YTHDF1: variants seen among roughly 807,000 people sequenced by gnomAD.
YTHDF1 encodes YTH domain-containing family protein 1.
Under a neutral mutation model 49.1 loss-of-function variants are expected in YTHDF1, and 16 were observed. The ratio of observed to expected loss-of-function variants is 0.33; its 90% CI spans 0.22 to 0.49. YTHDF1 has a LOEUF of 0.49. YTHDF1 is among the 20% of genes least tolerant of loss of function. The pLI, the probability that YTHDF1 is intolerant of heterozygous loss-of-function variation, is 0.99. For synonymous variants in YTHDF1, 313 were observed against 290.1 expected (o/e 1.08, Z -0.80); for missense variants, 621 against 744.3 (o/e 0.83, Z 1.93).
intron 3 of YTHDF1, among the ~76,000 whole-genome samples, chr20:63,207,990 CA>C (rs575560754): frequency 1.5e-3 from 140 of 95,200 alleles, no homozygotes; most frequent in African/African-American, 3.2e-3. Context: ...GACTCCGTCT[CA>C]AAAAAAAAAA....
chr20:63,195,517 T>C lies in YTHDF1; in HGVS notation c.*1191A>G, dbSNP rs2066488659. 1 of 152,630 alleles carries C rather than the reference T, an allele frequency of 6.6e-6. No homozygotes were observed. The highest frequency in any genetic ancestry group is 2.4e-5 in the African/African-American group (1 of 41,446). The allele number at this position is 152,630 out of a possible 1,614,324, so 9.5% of individuals were successfully genotyped here. On this transcript the variant is annotated 3_prime_UTR_variant, in exon 5 of 5. Transcript: ENST00000370339. ...AGGACTCCATTCAGGCAGTAACAGTTCAGAGGAAGTGACACGCTCTAAATA... is the reference window on the plus strand; with the variant it reads ...AGGACTCCATTCAGGCAGTAACAGTCCAGAGGAAGTGACACGCTCTAAATA...
intron 3 of YTHDF1, among the ~76,000 whole-genome samples, chr20:63,205,830 C>T (rs1391402068): frequency 6.6e-6 from 1 of 152,180 alleles, no homozygotes; most frequent in Non-Finnish European, 1.5e-5. Flanking sequence ...TTTTAAAATG[C>T]ACTAACTGCT....
chr20:63,210,867 A>T (rs1034340860), intron 3 of YTHDF1, among the ~76,000 whole-genome samples: 7 of 152,012 alleles, frequency 4.6e-5, no homozygotes, highest in African/African-American at 1.7e-4. Context: ...CTGCTCCCCC[A>T]ACTCCCATTC....
At chr20:63,215,010 A>G (rs2066594456) in intron 2 of YTHDF1, among the ~76,000 whole-genome samples, 1 of 152,174 alleles carries the variant, frequency 6.6e-6, no homozygotes, top group South Asian at 2.1e-4. Flanking sequence ...GCCTTTTCCA[A>G]TCTTAAAACA....
chr20:63,203,329 C>G lies in YTHDF1; in HGVS notation c.611G>C (p.Gly204Ala). The change falls in exon 4 of 5, where the codon GGC (glycine) becomes GCC (alanine). Residue 204 changes from glycine to alanine, a missense_variant. By Grantham distance (60) the Gly-to-Ala change is moderately conservative (BLOSUM62 0). Transcript: ENST00000370339. The surrounding 1 kb of genome is among the most constrained non-coding windows in gnomAD (Gnocchi z 4.4). ...DVSSSAVKTVGSVVSSVALTG... is the reference protein window; with the variant it reads ...DVSSSAVKTVASVVSSVALTG... ...CAGTGCCACGCTGCTGACGACAGAG[C>G]CCACCGTCTTGACGGCGGAGGAGCT... 1 of 1,613,388 alleles carries G rather than the reference C, an allele frequency of 6.2e-7. No homozygotes were observed. Among genetic ancestry groups the G allele is most frequent in the Non-Finnish European group, 8.5e-7 (1 of 1,179,886 alleles).
At chr20:63,196,912 G>C (rs1392135005) in intron 4 of YTHDF1, among the ~76,000 whole-genome samples, 178 bp from the exon 5 acceptor site, 3 of 152,124 alleles carry the variant, frequency 2.0e-5, no homozygotes, top group African/African-American at 7.2e-5. Flanking sequence ...GCTCTGTGGG[G>C]GACTGGCCAC....
intron 2 of YTHDF1, among the ~76,000 whole-genome samples, chr20:63,214,409 C>T (rs1470713002): frequency 6.6e-6 from 1 of 152,184 alleles, no homozygotes; most frequent in East Asian, 1.9e-4. Flanking sequence ...CAGTGAACCC[C>T]AAATATCTGA....
At chr20:63,196,979 G>A (rs549246201) in intron 4 of YTHDF1, among the ~76,000 whole-genome samples, 4 of 152,214 alleles carry the variant, frequency 2.6e-5, no homozygotes, top group East Asian at 1.9e-4. Flanking sequence ...CAACCACAAC[G>A]GTCACATGGG....
At chr20:63,214,987 A>C (rs1052349079) in intron 2 of YTHDF1, among the ~76,000 whole-genome samples, 3 of 152,192 alleles carry the variant, frequency 2.0e-5, no homozygotes, top group Admixed American at 6.5e-5. Context: ...AGCAAAGGTA[A>C]ATAAAGTGCT....
chr20:63,215,988 CCCG>C lies in YTHDF1; in HGVS notation c.-99_-97del. On this transcript the variant is annotated 5_prime_UTR_variant, in exon 1 of 5. Transcript: ENST00000370339. ...CACCCTAGCTCGCGCGGCCCCGGGC[CCCG>C]CCGCCAATTCCCCGGGCGCCGGCCG... 8.9e-7 allele frequency: 1 copy of C among 1,122,774 alleles called. No homozygotes were observed. The highest frequency in any genetic ancestry group is 1.1e-6 in the Non-Finnish European group (1 of 914,338). 69.6% of individuals were successfully genotyped at this position (1,122,774 alleles called of 1,614,324 possible). A position where few individuals can be genotyped will look rare whatever the true frequency, so the allele number is the denominator to read the frequency against.
chr20:63,201,290 T>C (rs1398480372), intron 4 of YTHDF1, among the ~76,000 whole-genome samples: 1 of 152,174 alleles, frequency 6.6e-6, no homozygotes, highest in Non-Finnish European at 1.5e-5. Flanking sequence ...ATTAGGACAC[T>C]TGGTGCTCAC....
At chr20:63,206,394 G>A (rs963867793) in intron 3 of YTHDF1, among the ~76,000 whole-genome samples, 2 of 152,176 alleles carry the variant, frequency 1.3e-5, no homozygotes, top group African/African-American at 4.8e-5. Flanking sequence ...ATTACATGAG[G>A]CATGTAACAT....
rs970645799 is a variant in YTHDF1 at position 63,195,655 on chromosome 20, G to A, written c.*1053C>T. 6.6e-6 allele frequency: 1 copy of A among 152,568 alleles called. No individual in the cohort carries two copies. The highest frequency in any genetic ancestry group is 2.4e-5 in the African/African-American group (1 of 41,440). The allele number at this position is 152,568 out of a possible 1,614,324, so 9.5% of individuals were successfully genotyped here. ...AGGATCCTCTACAAGGGCACGTGCAGATCCAGGCGCTGGAGCGTCAGGCAT... is the reference window on the plus strand; with the variant it reads ...AGGATCCTCTACAAGGGCACGTGCAAATCCAGGCGCTGGAGCGTCAGGCAT... On this transcript the variant is annotated 3_prime_UTR_variant, in exon 5 of 5. Coordinates refer to ENST00000370339, the MANE Select transcript of YTHDF1 (RefSeq NM_017798.4).
rs773902818 is a variant in YTHDF1 at position 63,202,299 on chromosome 20, C to T, written c.1641G>A (p.Glu547=). ...AHYEKRQEEE[E]VVRKERQSRN... ...CACCCAGCCTCACCTTGCGCACCAC[C>T]TCCTCCTCCTCCTGGCGCTTCTCGT... The change falls in exon 4 of 5, where the codon GAG becomes GAA. Residue 547 remains glutamate (E), a synonymous_variant. Transcript: ENST00000370339. 48 of 1,608,264 alleles carry T rather than the reference C, an allele frequency of 3.0e-5. 1 individual carries two copies. The South Asian group carries it at 5.0e-4, about 17-fold the overall frequency.
intron 3 of YTHDF1, among the ~76,000 whole-genome samples, chr20:63,212,290 T>C (rs962957054): frequency 6.6e-6 from 1 of 152,196 alleles, no homozygotes; most frequent in Non-Finnish European, 1.5e-5. Context: ...CAAGGTTTCT[T>C]GGTCTCTAAG....
chr20:63,197,916 T>C (rs1327364637), intron 4 of YTHDF1, among the ~76,000 whole-genome samples: 1 of 152,160 alleles, frequency 6.6e-6, no homozygotes, highest in East Asian at 1.9e-4. Flanking sequence ...TAATAAACTT[T>C]GCTGGGCACT....
At chr20:63,208,370 G>A (rs1211509930) in intron 3 of YTHDF1, among the ~76,000 whole-genome samples, 1 of 152,236 alleles carries the variant, frequency 6.6e-6, no homozygotes, top group African/African-American at 2.4e-5. Context: ...ACTGGGAACA[G>A]GCCTACCAGG....
At position 63,203,676 on chromosome 20, in the gene YTHDF1, G is replaced by C; in HGVS notation, c.264C>G (p.Thr88=). The C allele has an allele frequency of 6.2e-7, 1 of 1,614,220 alleles. No homozygotes were observed. The highest frequency in any genetic ancestry group is 8.5e-7 in the Non-Finnish European group (1 of 1,180,044). Residue 88 remains threonine, a synonymous_variant, in exon 4 of 5, where the codon ACC becomes ACG. Coordinates refer to ENST00000370339, the MANE Select transcript of YTHDF1 (RefSeq NM_017798.4). The surrounding 1 kb of genome is among the most constrained non-coding windows in gnomAD (Gnocchi z 4.4). ...GGTCTCCGTTACTGAGCTGTCCGTA[G>C]GTGGTGAGGTATGGAATCGGAGGGT... ...AGDPPIPYLT[T]YGQLSNGDHH...
intron 4 of YTHDF1, among the ~76,000 whole-genome samples, chr20:63,201,489 G>A (rs143934072): frequency 2.0e-5 from 3 of 152,150 alleles, no homozygotes; most frequent in Non-Finnish European, 2.9e-5. Context: ...GCCAGTTTAC[G>A]GGCATCTGAG....
Sources: allele counts gnomAD v4.1 joint callset (sites outside exome capture counted in the v4.1 genomes callset), GRCh38; gene constraint gnomAD v4.1.1; non-coding constraint Gnocchi (gnomAD v3.1); transcripts MANE v1.5; gene names NCBI Gene and HGNC (gene_info 2026-07-23, HGNC 2026-07-21).